RIMS2: variants seen among roughly 807,000 people sequenced by gnomAD.
The protein encoded by RIMS2 is regulating synaptic membrane exocytosis 2.
A neutral mutation model predicts 174.4 loss-of-function variants in RIMS2; 59 were observed. The ratio of observed to expected loss-of-function variants is 0.34; its 90% CI spans 0.27 to 0.42. The LOEUF is 0.42. RIMS2 is among the 10% of genes least tolerant of loss of function. The pLI, the probability that RIMS2 is intolerant of heterozygous loss-of-function variation, is 1.00. For synonymous variants in RIMS2, 606 were observed against 572.5 expected (o/e 1.06, Z -0.84); for missense variants, 1,620 against 1,666.3 (o/e 0.97, Z 0.48).
At chr8:103,617,041 C>T (rs2095521026) in intron 1 of RIMS2, among the ~76,000 whole-genome samples, 1 of 152,010 alleles carries the variant, frequency 6.6e-6, no homozygotes. Flanking sequence ...CATGTGGAAC[C>T]AAAAAGCCCA....
chr8:103,862,248 T>C (rs2099062746), intron 3 of RIMS2, among the ~76,000 whole-genome samples: 7 of 152,080 alleles, frequency 4.6e-5, no homozygotes, highest in Admixed American at 3.9e-4. Context: ...TTACCCATTG[T>C]TTATTTTTAT....
intron 1 of RIMS2, among the ~76,000 whole-genome samples, chr8:103,690,709 A>G (rs905263938): frequency 6.6e-6 from 1 of 152,130 alleles, no homozygotes; most frequent in Non-Finnish European, 1.5e-5. Context: ...TCATCTTTTA[A>G]TCTTTCTATT....
At chr8:103,599,901 A>G (rs564269120) in intron 1 of RIMS2, among the ~76,000 whole-genome samples, 20 of 152,130 alleles carry the variant, frequency 1.3e-4, no homozygotes, top group Non-Finnish European at 2.9e-4. Flanking sequence ...AAACCATCCA[A>G]TTATACTCTT....
chr8:104,045,590 G>A (rs1198482982), intron 19 of RIMS2, among the ~76,000 whole-genome samples: 2 of 151,828 alleles, frequency 1.3e-5, no homozygotes, highest in Non-Finnish European at 1.5e-5. Flanking sequence ...ATTAGTGCTT[G>A]TGTAATATAT....
chr8:104,195,547 C>G (rs1045255587), intron 19 of RIMS2, among the ~76,000 whole-genome samples: 5 of 141,522 alleles, frequency 3.5e-5, no homozygotes, highest in African/African-American at 1.3e-4. Flanking sequence ...AAGAATCTCT[C>G]TCTGTCAGCC....
chr8:104,024,839 G>T (rs2096211439), intron 19 of RIMS2, among the ~76,000 whole-genome samples: 1 of 152,062 alleles, frequency 6.6e-6, no homozygotes, highest in Non-Finnish European at 1.5e-5. Context: ...TTCTGGGTAG[G>T]TTTTCAGTCC....
chr8:103,750,500 G>A (rs2097874273), intron 2 of RIMS2, among the ~76,000 whole-genome samples: 4 of 152,108 alleles, frequency 2.6e-5, no homozygotes, highest in Admixed American at 2.0e-4. Context: ...TTGAGGGGAT[G>A]GAGACCCCAT....
intron 1 of RIMS2, among the ~76,000 whole-genome samples, chr8:103,520,038 G>C (rs534418951): frequency 6.6e-6 from 1 of 152,148 alleles, no homozygotes; most frequent in African/African-American, 2.4e-5. Flanking sequence ...TGTATATAAG[G>C]AAGGGCTTTG....
chr8:104,066,234 C>G (rs950459795), intron 19 of RIMS2, among the ~76,000 whole-genome samples: 7 of 152,104 alleles, frequency 4.6e-5, no homozygotes, highest in African/African-American at 1.4e-4. Context: ...AAAAAGTTTG[C>G]CAACTACTGC....
intron 1 of RIMS2, among the ~76,000 whole-genome samples, chr8:103,682,812 T>C (rs767937740): frequency 2.0e-5 from 3 of 152,208 alleles, no homozygotes; most frequent in Non-Finnish European, 4.4e-5. Context: ...CATTGTCTTA[T>C]CTGGCTTGTA....
chr8:103,562,587 GTGTC>G (rs1402273562), intron 1 of RIMS2, among the ~76,000 whole-genome samples: 1 of 152,194 alleles, frequency 6.6e-6, no homozygotes, highest in Admixed American at 6.5e-5. Context: ...CTGGCATTGA[GTGTC>G]TGCGGCTTTT....
intron 19 of RIMS2, among the ~76,000 whole-genome samples, chr8:104,121,816 G>A (rs1187653904): frequency 6.6e-6 from 1 of 152,066 alleles, no homozygotes; most frequent in Admixed American, 6.6e-5. Flanking sequence ...ACAAAAATTA[G>A]CCAGGCGTGG....
At chr8:103,811,333 T>C (rs910361227) in intron 3 of RIMS2, among the ~76,000 whole-genome samples, 6 of 152,246 alleles carry the variant, frequency 3.9e-5, no homozygotes, top group Non-Finnish European at 8.8e-5. Context: ...GGTGTCACTC[T>C]GGACATTCTC....
At chr8:103,643,075 G>C (rs574630608) in intron 1 of RIMS2, among the ~76,000 whole-genome samples, 1 of 151,716 alleles carries the variant, frequency 6.6e-6, no homozygotes, top group East Asian at 1.9e-4. Flanking sequence ...CTCAGTTTTT[G>C]AATATGCTGT....
chr8:103,996,295 TA>T (rs1332878336), intron 17 of RIMS2, among the ~76,000 whole-genome samples: 19 of 147,488 alleles, frequency 1.3e-4, no homozygotes, highest in Admixed American at 2.0e-4. Flanking sequence ...AGTGATGTGC[TA>T]AAAAAAAAAT....
At chr8:103,793,246 C>G (rs1249303605) in intron 3 of RIMS2, among the ~76,000 whole-genome samples, 2 of 152,198 alleles carry the variant, frequency 1.3e-5, no homozygotes, top group Non-Finnish European at 2.9e-5. Flanking sequence ...ATCAAGTGGG[C>G]TTCATCCCTG....
intron 17 of RIMS2, among the ~76,000 whole-genome samples, chr8:104,002,505 T>G (rs908407507): frequency 2.6e-5 from 4 of 151,986 alleles, no homozygotes; most frequent in Admixed American, 6.5e-5. Flanking sequence ...AAAAAGTAAC[T>G]TTTTTATTGA....
intron 2 of RIMS2, among the ~76,000 whole-genome samples, chr8:103,732,367 C>T (rs955537796): frequency 3.9e-5 from 6 of 152,202 alleles, no homozygotes; most frequent in African/African-American, 1.4e-4. Context: ...GTGGTCTACA[C>T]CACTGTGACT....
chr8:103,557,169 G>A (rs540951609), intron 1 of RIMS2, among the ~76,000 whole-genome samples: 5 of 152,136 alleles, frequency 3.3e-5, no homozygotes, highest in East Asian at 1.9e-4. Context: ...CTCAAAAACC[G>A]ATAGCTCATT....
Sources: gnomAD v4.1 joint callset for allele counts (sites outside exome capture counted in the v4.1 genomes callset) on GRCh38, gnomAD v4.1.1 for gene constraint, MANE v1.5 for transcripts, NCBI Gene and HGNC (gene_info 2026-07-23, HGNC 2026-07-21) for gene names.